The following RTN3 variants were observed in gnomAD, a reference collection of about 807,000 sequenced individuals.
RTN3 encodes reticulon-3.
Under a neutral mutation model 77.8 loss-of-function variants are expected in RTN3, and 49 were observed. The observed-to-expected ratio is 0.63, with a 90% CI of 0.50 to 0.80. The LOEUF is 0.80. Among genes scored for constraint, RTN3 ranks in the 30% least tolerant of loss-of-function variants. RTN3 has a pLI of 0.00. For synonymous variants in RTN3, 464 were observed against 446.9 expected, an observed-to-expected ratio of 1.04 and a Z score of -0.48; for missense variants, 1,236 against 1,211.9, an observed-to-expected ratio of 1.02 and a Z score of -0.29.
chr11:63,756,254 G>A (rs1270638556), intron 8 of RTN3, 84 bp downstream of exon 8: 1 of 850,592 alleles, frequency 1.2e-6, no homozygotes, highest in Non-Finnish European at 1.9e-6. Context: ...AAATGCAGAT[G>A]CCAAGGAAAG....
In RTN3 at chr11:63,720,213, A is replaced by G. The variant is rs1397382390; in HGVS notation, c.1711A>G (p.Ile571Val). Residue 571 changes from isoleucine to valine, a missense_variant, in exon 3 of 9, where the codon ATT becomes GTT. By Grantham distance (29) the Ile-to-Val change is conservative. Transcript: ENST00000377819. ...DSELHQDQPDILGRSPASEAA... is the reference protein window; with the variant it reads ...DSELHQDQPDVLGRSPASEAA... ...TGAGCTGCATCAAGATCAGCCTGAT[A>G]TTCTTGGAAGGAGTCCAGCTAGTGA... 1.2e-6 allele frequency: 2 copies of G among 1,614,132 alleles called. No individual in the cohort carries two copies. The highest frequency in any genetic ancestry group is 1.7e-5 in the Admixed American group (1 of 60,006).
rs929870663 is a variant in RTN3 at position 63,758,425 on chromosome 11, G to C, written c.*224G>C. ...CTATCTTAGAACTCAGAAGAAGAAA[G>C]AATCAAATTCATAGGATAAGTCAAT... On this transcript the variant is annotated 3_prime_UTR_variant, in exon 9 of 9. Transcript: ENST00000377819. The C allele has an allele frequency of 9.2e-6, 12 of 1,297,624 alleles. No individual in the cohort carries two copies. The highest frequency in any genetic ancestry group is 1.3e-5 in the Non-Finnish European group (12 of 943,458). The allele number at this position is 1,297,624 out of a possible 1,614,324, so 80.4% of individuals were successfully genotyped here. A position where few individuals can be genotyped will look rare whatever the true frequency, so the allele number is the denominator to read the frequency against.
intron 2 of RTN3, among the ~76,000 whole-genome samples, chr11:63,715,455 G>A (rs1344202755): frequency 2.0e-5 from 3 of 152,094 alleles, no homozygotes; most frequent in East Asian, 3.8e-4. Flanking sequence ...TCAGGAGTTC[G>A]AGACCAGCCT....
intron 3 of RTN3, among the ~76,000 whole-genome samples, chr11:63,723,414 ATCT>A (rs2011964688): frequency 6.7e-6 from 1 of 149,736 alleles, no homozygotes; most frequent in Non-Finnish European, 1.5e-5. Context: ...TTATTTATTT[ATCT>A]TTTTTTTTTT....
chr11:63,695,825 G>A (rs923618703), intron 1 of RTN3, among the ~76,000 whole-genome samples: 2 of 152,116 alleles, frequency 1.3e-5, no homozygotes, highest in Admixed American at 6.6e-5. Context: ...ATGGTATCCT[G>A]GATAGGATCT....
chr11:63,686,470 CAAA>C (rs11364347), intron 1 of RTN3, among the ~76,000 whole-genome samples: 12 of 92,552 alleles, frequency 1.3e-4, no homozygotes, highest in Admixed American at 4.7e-4. Context: ...GACTCCGTCT[CAAA>C]AAAAAAAAAA....
rs2014374986 is a variant in RTN3 at position 63,756,197 on chromosome 11, C to G, written c.3053+27C>G. On this transcript the variant is annotated intron_variant, in intron 8 of 8. Coordinates refer to ENST00000377819, the MANE Select transcript of RTN3 (RefSeq NM_001265589.2). The stretch of plus-strand genomic sequence containing the variant: ...TAAGTACATTTAGAGACCACATCAT[C>G]ATGAGGTATGCTTCCTTCCCCCCAA... 4.7e-6 allele frequency: 7 copies of G among 1,498,170 alleles called. No homozygotes were observed. The Middle Eastern group carries it at 6.8e-4, about 146-fold the overall frequency. 92.8% of individuals were successfully genotyped at this position (1,498,170 alleles called of 1,614,324 possible). A position where few individuals can be genotyped will look rare whatever the true frequency, so the allele number is the denominator to read the frequency against.
intron 7 of RTN3, among the ~76,000 whole-genome samples, chr11:63,754,923 C>T (rs1306598637): frequency 2.6e-4 from 2 of 7,818 alleles, no homozygotes; most frequent in Non-Finnish European, 5.3e-4. Context: ...GAGACTCTGT[C>T]TCAAAAAAAA....
chr11:63,683,307 C>G (rs1049403851), intron 1 of RTN3, among the ~76,000 whole-genome samples: 12 of 152,198 alleles, frequency 7.9e-5, no homozygotes, highest in African/African-American at 1.7e-4. Context: ...CAGCGACTTC[C>G]TTATAACTTA....
chr11:63,754,302 C>T (rs2014251639), intron 7 of RTN3, among the ~76,000 whole-genome samples: 1 of 152,134 alleles, frequency 6.6e-6, no homozygotes, highest in South Asian at 2.1e-4. Flanking sequence ...GCCTATAATC[C>T]TAACACTTTG....
chr11:63,712,792 A>C (rs948001801), intron 2 of RTN3, among the ~76,000 whole-genome samples: 21 of 152,006 alleles, frequency 1.4e-4, no homozygotes, highest in Non-Finnish European at 2.6e-4. Context: ...GCCGACTTCG[A>C]ATTTTTTAAT....
intron 3 of RTN3, among the ~76,000 whole-genome samples, chr11:63,727,839 G>A (rs575408986): frequency 6.6e-6 from 1 of 152,262 alleles, no homozygotes; most frequent in Admixed American, 6.5e-5. Flanking sequence ...AGAGAGACTG[G>A]AGAAGGACAT....
In RTN3 at chr11:63,690,562, A is replaced by G. The variant is rs1941602728; in HGVS notation, c.142+8784A>G. Among the ~76,000 whole-genome samples the G allele has an allele frequency of 2.6e-5, 4 of 152,232 alleles. No individual in the cohort carries two copies. The South Asian group carries it at 8.3e-4, about 32-fold the overall frequency. ...TGGGGACTCAGGCACAGAGAGTTTA[A>G]TGCCCACGCTTTAAGATTTGAAGCA... On this transcript the variant is annotated intron_variant, in intron 1 of 8. Coordinates refer to ENST00000377819, the MANE Select transcript of RTN3 (RefSeq NM_001265589.2).
chr11:63,729,141 G>T (rs1214514224), intron 3 of RTN3, among the ~76,000 whole-genome samples: 3 of 151,632 alleles, frequency 2.0e-5, no homozygotes, highest in Non-Finnish European at 4.4e-5. Flanking sequence ...AAAACTAAAA[G>T]AATTCTACCA....
Position 63,717,815 on chromosome 11 carries a change from G to A in RTN3, c.200-887G>A, listed in dbSNP as rs1238780377. ...GATCACTTGAGGTCAGGAGTTAAGA[G>A]ACCAGCCTGGCCAACATGGTGAAAC... is the stretch of plus-strand genomic sequence containing the variant. On this transcript the variant is annotated intron_variant, in intron 2 of 8. Transcript: ENST00000377819. Among the ~76,000 whole-genome samples the A allele has an allele frequency of 2.6e-5, 4 of 151,754 alleles. No homozygotes were observed. The South Asian group carries it at 6.3e-4, about 24-fold the overall frequency.
intron 1 of RTN3, among the ~76,000 whole-genome samples, chr11:63,691,114 CTTTTTTTTTTTTTT>C (rs796809025): frequency 1.1e-5 from 1 of 91,878 alleles, no homozygotes; most frequent in African/African-American, 4.2e-5. Flanking sequence ...ATTGCTAATT[CTTTTTTTTTTTTTT>C]TTTTTTTTTT....
chr11:63,687,725 A>C (rs1158052147), intron 1 of RTN3, among the ~76,000 whole-genome samples: 2 of 152,314 alleles, frequency 1.3e-5, no homozygotes, highest in Non-Finnish European at 2.9e-5. Context: ...TGACCTAGAC[A>C]CATTTGCTTT....
At chr11:63,689,621 A>G (rs1389045390) in intron 1 of RTN3, among the ~76,000 whole-genome samples, 1 of 151,836 alleles carries the variant, frequency 6.6e-6, no homozygotes, top group African/African-American at 2.4e-5. Flanking sequence ...TATTTCAAAT[A>G]ACTATTCTTA....
At chr11:63,686,055 C>T (rs1258312438) in intron 1 of RTN3, among the ~76,000 whole-genome samples, 1 of 152,156 alleles carries the variant, frequency 6.6e-6, no homozygotes, top group Non-Finnish European at 1.5e-5. Flanking sequence ...GTAAAAGAGA[C>T]TGAAATATTC....
Sources: gnomAD v4.1 joint callset for allele counts (sites outside exome capture counted in the v4.1 genomes callset) on GRCh38, gnomAD v4.1.1 for gene constraint, MANE v1.5 for transcripts, NCBI Gene and HGNC (gene_info 2026-07-23, HGNC 2026-07-21) for gene names.